Variants in PALD1 observed in about 807,000 individuals in gnomAD.
PALD1 encodes the protein paladin.
A neutral mutation model predicts 96.0 loss-of-function variants in PALD1; 57 were observed. That is an observed-to-expected ratio of 0.59 (90% confidence interval 0.48 to 0.74). PALD1 has a LOEUF of 0.74. Among genes scored for constraint, PALD1 ranks in the 30% least tolerant of loss-of-function variants. PALD1 has a pLI of 0.00. For synonymous variants in PALD1, 464 were observed against 473.6 expected (o/e 0.98, Z 0.26); for missense variants, 1,063 against 1,143.7 (o/e 0.93, Z 1.02).
At position 70,531,272 on chromosome 10, in the gene PALD1, C is replaced by G. The variant is rs767024080; in HGVS notation, c.469-18C>G. The stretch of plus-strand genomic sequence containing the variant: ...GGGATCATGATGATGGCTTCCTTCC[C>G]CCTCGGGCTCCTGGCAGGAGTGTGT... On this transcript the variant is annotated intron_variant, in intron 4 of 19. Transcript: ENST00000263563. 1.2e-6 allele frequency: 2 copies of G among 1,604,948 alleles called. No individual in the cohort carries two copies. The highest frequency in any genetic ancestry group is 4.5e-5 in the East Asian group (2 of 44,608).
intron 1 of PALD1, among the ~76,000 whole-genome samples, chr10:70,480,386 G>A (rs751868372): frequency 2.0e-5 from 3 of 152,216 alleles, no homozygotes; most frequent in Non-Finnish European, 2.9e-5. Flanking sequence ...CTGTCGCGGG[G>A]GGTTGGGGTA....
At chr10:70,536,227 G>A (rs2132385104) in intron 10 of PALD1, among the ~76,000 whole-genome samples, 1 of 152,274 alleles carries the variant, frequency 6.6e-6, no homozygotes, top group Non-Finnish European at 1.5e-5. Context: ...TGTGAGCCCA[G>A]GAGTTCCAGG....
chr10:70,487,359 T>C (rs1846030717), intron 1 of PALD1, among the ~76,000 whole-genome samples: 1 of 151,946 alleles, frequency 6.6e-6, no homozygotes, highest in African/African-American at 2.4e-5. Flanking sequence ...GGTCTCGATC[T>C]CCTGACCTTG....
chr10:70,530,084 C>A lies in PALD1; in HGVS notation c.468+16C>A. 1.3e-6 allele frequency: 2 copies of A among 1,489,890 alleles called. No homozygotes were observed. Among genetic ancestry groups the A allele is most frequent in the Non-Finnish European group, 1.8e-6 (2 of 1,120,766 alleles). The allele number at this position is 1,489,890 out of a possible 1,614,324, so 92.3% of individuals were successfully genotyped here. ...CGGACATAGGGTAAGTATGCCACTTCCCAGGCAGAAGCCAGGTCCCCAAAG... is the reference window on the plus strand; with the variant it reads ...CGGACATAGGGTAAGTATGCCACTTACCAGGCAGAAGCCAGGTCCCCAAAG... On this transcript the variant is annotated intron_variant, in intron 4 of 19. Coordinates refer to ENST00000263563, the MANE Select transcript of PALD1 (RefSeq NM_014431.3).
chr10:70,505,983 T>C (rs1340860335), intron 1 of PALD1, among the ~76,000 whole-genome samples: 1 of 151,858 alleles, frequency 6.6e-6, no homozygotes, highest in Non-Finnish European at 1.5e-5. Flanking sequence ...ATCGTGCCAC[T>C]GCACTCCAGC....
At chr10:70,551,413 G>A (rs530537204) in intron 18 of PALD1, among the ~76,000 whole-genome samples, 1 of 152,338 alleles carries the variant, frequency 6.6e-6, no homozygotes, top group Non-Finnish European at 1.5e-5. Context: ...GCCTCTGGAT[G>A]TAAATGGACC....
intron 8 of PALD1, 62 bp downstream of exon 8, chr10:70,534,135 C>G: frequency 6.8e-7 from 1 of 1,464,764 alleles, no homozygotes; most frequent in Non-Finnish European, 9.1e-7. Context: ...ACAGGCTGCC[C>G]CACAGTGTGG....
chr10:70,472,579 G>T, the PALD1 span, among the ~76,000 whole-genome samples: 1 of 152,182 alleles, frequency 6.6e-6, no homozygotes, highest in Non-Finnish European at 1.5e-5. Context: ...GTTATTTAAA[G>T]GAGGGAGAGG....
chr10:70,472,256 G>GTTATTTAT, the PALD1 span, among the ~76,000 whole-genome samples: 1 of 152,068 alleles, frequency 6.6e-6, no homozygotes, highest in Non-Finnish European at 1.5e-5. Flanking sequence ...ACAGATCTGA[G>GTTATTTAT]TTATTTATTT....
At chr10:70,517,582 T>C (rs1444424644) in intron 1 of PALD1, among the ~76,000 whole-genome samples, 2 of 152,112 alleles carry the variant, frequency 1.3e-5, no homozygotes, top group Non-Finnish European at 2.9e-5. Flanking sequence ...CCTCAGGTGA[T>C]CCGCTCACCT....
chr10:70,533,135 G>C, intron 7 of PALD1, 65 bp downstream of exon 7: 2 of 1,320,096 alleles, frequency 1.5e-6, no homozygotes, highest in Non-Finnish European at 2.1e-6. Flanking sequence ...AGGTGCTCAG[G>C]GTGGGCACAG....
At chr10:70,534,672 C>G in intron 9 of PALD1, 67 bp from the exon 10 acceptor site, 1 of 1,248,200 alleles carries the variant, frequency 8.0e-7, no homozygotes, top group South Asian at 1.3e-5. Context: ...TTTCTCCTGC[C>G]GTTCTGCCTT....
At chr10:70,467,518 C>A in the PALD1 span, among the ~76,000 whole-genome samples, 2 of 152,116 alleles carry the variant, frequency 1.3e-5, no homozygotes, top group Admixed American at 1.3e-4. Context: ...GACGTCCTAA[C>A]ACCCCGCACA....
rs140256920 is a variant in PALD1, at chr10:70,533,029, C to A, written c.829C>A (p.Pro277Thr). The A allele has an allele frequency of 4.4e-6, 7 of 1,586,180 alleles. No individual in the cohort carries two copies. The African/African-American group carries it at 8.1e-5, about 18-fold the overall frequency. ...CCTGCCCCTGCCCGAGCAAGGGAGT[C>A]CCCTGGAGGCCCAGTTGGACGCCTT... ...HRLPLPEQGS[P>T]LEAQLDAFVS... is the part of the protein sequence containing the mutation. The change falls in exon 7 of 20, where the codon CCC becomes ACC. Residue 277 changes from proline to threonine, a missense_variant. By Grantham distance (38) the Pro-to-Thr change is conservative (BLOSUM62 -1). Coordinates refer to ENST00000263563, the MANE Select transcript of PALD1 (RefSeq NM_014431.3).
intron 1 of PALD1, among the ~76,000 whole-genome samples, chr10:70,506,158 A>C (rs1846385724): frequency 6.6e-6 from 1 of 152,236 alleles, no homozygotes; most frequent in Non-Finnish European, 1.5e-5. Flanking sequence ...CCAAAGGCTA[A>C]GATTCAGTGA....
At chr10:70,554,326 G>C (rs895420217) in intron 18 of PALD1, among the ~76,000 whole-genome samples, 1 of 152,214 alleles carries the variant, frequency 6.6e-6, no homozygotes, top group Admixed American at 6.5e-5. Context: ...CTACTCGGGA[G>C]GCTGAGGCAG....
At chr10:70,508,438 C>G (rs192126998) in intron 1 of PALD1, among the ~76,000 whole-genome samples, 34 of 152,320 alleles carry the variant, frequency 2.2e-4, no homozygotes, top group African/African-American at 7.7e-4. Context: ...TGGAGAAGGG[C>G]TGGGCCAGCC....
Position 70,532,935 on chromosome 10 carries a change from G to T in PALD1, c.795-60G>T. The T allele has an allele frequency of 5.2e-6, 8 of 1,525,990 alleles. No homozygotes were observed. The South Asian group carries it at 5.8e-5, about 11-fold the overall frequency. 94.5% of individuals were successfully genotyped at this position (1,525,990 alleles called of 1,614,324 possible). On this transcript the variant is annotated intron_variant, in intron 6 of 19. Coordinates refer to ENST00000263563, the MANE Select transcript of PALD1 (RefSeq NM_014431.3). ...TTTCCAAACAGTGCCCGGGAATAGG[G>T]GGTGAGGGGGATTCCCAGAGTGGGT...
At chr10:70,486,487 A>G (rs1426429875) in intron 1 of PALD1, among the ~76,000 whole-genome samples, 1 of 152,134 alleles carries the variant, frequency 6.6e-6, no homozygotes, top group East Asian at 1.9e-4. Flanking sequence ...CCAGTTGGGC[A>G]CTGTGGCTCA....
Sources: allele counts gnomAD v4.1 joint callset (sites outside exome capture counted in the v4.1 genomes callset), GRCh38; gene constraint gnomAD v4.1.1; transcripts MANE v1.5; gene names NCBI Gene and HGNC (gene_info 2026-07-23, HGNC 2026-07-21).